Variants in TUT4 observed in about 807,000 individuals in gnomAD.
The protein encoded by TUT4 is terminal uridylyl transferase 4.
A neutral mutation model predicts 192.2 loss-of-function variants in TUT4; 36 were observed. That is an observed-to-expected ratio of 0.19 (90% CI 0.14 to 0.25). The LOEUF (loss-of-function observed/expected upper bound fraction) is 0.25. TUT4 is among the 10% of genes least tolerant of loss of function. The pLI is 1.00. For synonymous variants in TUT4, 618 were observed against 666.0 expected (o/e 0.93, Z 1.11); for missense variants, 1,493 against 1,957.2 (o/e 0.76, Z 4.47).
chr1:52,436,645 A>G, intron 26 of TUT4, 110 bp downstream of exon 26: 1 of 1,514,498 alleles, frequency 6.6e-7, no homozygotes, highest in South Asian at 1.3e-5. Flanking sequence ...TGTAAGGTCC[A>G]AAATCATACA....
chr1:52,509,631 G>A lies in TUT4; in HGVS notation c.964C>T (p.His322Tyr), dbSNP rs1244648427. The stretch of plus-strand genomic sequence containing the variant: ...TTCTTATGTCGTTTCTCCTTTATAT[G>A]TTTATGAGCCCCCTGGATATTTTCA... ...HIENIQGAHK[H>Y]IKEKRHKKNI... The change falls in exon 4 of 30, where the codon CAT (histidine) becomes TAT (tyrosine). Residue 322 changes from histidine to tyrosine, a missense_variant. His to Tyr is a moderately conservative substitution (Grantham distance 83, BLOSUM62 2). Coordinates refer to ENST00000257177, the MANE Select transcript of TUT4 (RefSeq NM_001009881.3). 6.2e-7 allele frequency: 1 copy of A among 1,605,402 alleles called. No individual in the cohort carries two copies. The highest frequency in any genetic ancestry group is 8.5e-7 in the Non-Finnish European group (1 of 1,173,214).
chr1:52,427,552 C>T (rs1488912550), intron 28 of TUT4, among the ~76,000 whole-genome samples: 3 of 152,214 alleles, frequency 2.0e-5, no homozygotes, highest in South Asian at 2.1e-4. Flanking sequence ...GTGACTATCA[C>T]AGTGCATGTC....
intron 24 of TUT4, among the ~76,000 whole-genome samples, chr1:52,439,665 T>C (rs1303812736): frequency 1.3e-5 from 2 of 152,168 alleles, no homozygotes; most frequent in African/African-American, 4.8e-5. Flanking sequence ...CTAGAACACA[T>C]ATGTATTGCT....
intron 28 of TUT4, among the ~76,000 whole-genome samples, chr1:52,426,807 G>A (rs967332030): frequency 3.9e-5 from 6 of 152,042 alleles, no homozygotes; most frequent in Admixed American, 1.3e-4. Flanking sequence ...CCCTTTGCCT[G>A]TTTTTCATAA....
rs546084491 is a variant in TUT4, at chr1:52,544,313, CA to C, written c.-94+8617del. Among the ~76,000 whole-genome samples the C allele has an allele frequency of 2.0e-5, 3 of 150,896 alleles. No individual in the cohort carries two copies. In the South Asian group the frequency reaches 6.3e-4, roughly 31 times the overall value. ...AAAAAAAAAAAAAAGCTACAGTAAT[CA>C]AAATAGTATGGTATTAGTATAAATA... On this transcript the variant is annotated intron_variant, in intron 1 of 29. Coordinates refer to ENST00000257177, the MANE Select transcript of TUT4 (RefSeq NM_001009881.3).
chr1:52,532,674 T>C (rs951589501), intron 1 of TUT4, among the ~76,000 whole-genome samples: 1 of 152,122 alleles, frequency 6.6e-6, no homozygotes. Flanking sequence ...AATATTCCCC[T>C]TAAAAACATA....
At chr1:52,479,014 C>T (rs1020663141) in intron 11 of TUT4, among the ~76,000 whole-genome samples, 3 of 151,632 alleles carry the variant, frequency 2.0e-5, no homozygotes, top group African/African-American at 7.3e-5. Flanking sequence ...GAGTTGAGTA[C>T]GCTAAAAAGG....
chr1:52,449,788 T>G (rs571552161), intron 20 of TUT4, among the ~76,000 whole-genome samples: 2 of 152,158 alleles, frequency 1.3e-5, no homozygotes, highest in Admixed American at 1.3e-4. Context: ...CATTTCTCCC[T>G]CCTTGAGATT....
intron 1 of TUT4, among the ~76,000 whole-genome samples, chr1:52,542,777 T>C (rs1687057483): frequency 6.6e-6 from 1 of 152,040 alleles, no homozygotes; most frequent in African/African-American, 2.4e-5. Flanking sequence ...TTATTTTTTT[T>C]TGAGGCAGAG....
chr1:52,522,243 C>A (rs151117329), intron 2 of TUT4, among the ~76,000 whole-genome samples: 1 of 152,160 alleles, frequency 6.6e-6, no homozygotes, highest in African/African-American at 2.4e-5. Flanking sequence ...ATTTGTTATA[C>A]CAAGTTTCCC....
At chr1:52,448,521 T>C (rs1252677096) in intron 20 of TUT4, among the ~76,000 whole-genome samples, 1 of 143,214 alleles carries the variant, frequency 7.0e-6, no homozygotes, top group Admixed American at 7.5e-5. Flanking sequence ...CTCAGGAGAT[T>C]GAGGTTGCAA....
rs1028438870 is a variant in TUT4, at chr1:52,537,315, CAAAG to C, written c.-93-10946_-93-10943del. On this transcript the variant is annotated intron_variant, in intron 1 of 29. Transcript: ENST00000257177. ...AACAGATACTCCATGCAAAGAGTAA[CAAAG>C]AGAGAGCTGGGGCTAAATTATTACC... Among the ~76,000 whole-genome samples, 5 of 151,936 alleles carry C rather than the reference CAAAG, an allele frequency of 3.3e-5. No individual in the cohort carries two copies. The South Asian group carries it at 8.3e-4, about 25-fold the overall frequency.
intron 18 of TUT4, 103 bp from the exon 19 acceptor site, chr1:52,461,326 G>T: frequency 8.3e-7 from 1 of 1,197,810 alleles, no homozygotes; most frequent in Non-Finnish European, 1.1e-6. Flanking sequence ...ATATATAAAT[G>T]TAAAATGTAA....
chr1:52,490,613 T>C (rs994685329), intron 8 of TUT4, 119 bp downstream of exon 8: 17 of 687,792 alleles, frequency 2.5e-5, no homozygotes, highest in Middle Eastern at 3.6e-4. Flanking sequence ...GAAACTAGCT[T>C]AGTCATATTC....
chr1:52,527,558 A>G (rs2149478691), intron 1 of TUT4, among the ~76,000 whole-genome samples: 1 of 152,278 alleles, frequency 6.6e-6, no homozygotes, highest in Admixed American at 6.5e-5. Flanking sequence ...TCTCAAAAAC[A>G]ACAACAACAA....
chr1:52,494,718 A>T (rs1221268042), intron 6 of TUT4, among the ~76,000 whole-genome samples: 1 of 152,194 alleles, frequency 6.6e-6, no homozygotes, highest in Non-Finnish European at 1.5e-5. Context: ...AATATTTAAT[A>T]ACCATACATT....
In TUT4 at chr1:52,458,372, C is replaced by T; in HGVS notation, c.3399G>A (p.Gln1133=). Residue 1133 remains glutamine, a synonymous_variant, in exon 20 of 30, where the codon CAG becomes CAA. Coordinates refer to ENST00000257177, the MANE Select transcript of TUT4 (RefSeq NM_001009881.3). Reference sequence around the variant, plus strand: ...CTGGGATAACAGGTGGCTTTCTCTGCTGCAGAAAGTACAGCACCATAAGGA... The same window carrying T: ...CTGGGATAACAGGTGGCTTTCTCTGTTGCAGAAAGTACAGCACCATAAGGA... ...AYILMVLYFL[Q]QRKPPVIPVL... is the part of the protein sequence containing the mutation. The T allele has an allele frequency of 6.2e-7, 1 of 1,613,900 alleles. No individual in the cohort carries two copies. The highest frequency in any genetic ancestry group is 8.5e-7 in the Non-Finnish European group (1 of 1,179,892).
In TUT4 at chr1:52,515,875, A is replaced by C; in HGVS notation, c.882+16T>G. 6.2e-7 allele frequency: 1 copy of C among 1,613,878 alleles called. No individual in the cohort carries two copies. Among genetic ancestry groups the C allele is most frequent in the Non-Finnish European group, 8.5e-7 (1 of 1,179,934 alleles). On this transcript the variant is annotated intron_variant, in intron 3 of 29. Transcript: ENST00000257177. ...ACACACATTTCCCCCCAAATAACTA[A>C]AACAACATAGTATACTTTTTCAAGT...
chr1:52,507,782 C>T (rs1676012980), intron 4 of TUT4, among the ~76,000 whole-genome samples: 1 of 152,074 alleles, frequency 6.6e-6, no homozygotes, highest in South Asian at 2.1e-4. Flanking sequence ...ATAAGGTATA[C>T]TCAATCTGTA....
Sources: gnomAD v4.1 joint callset for allele counts (sites outside exome capture counted in the v4.1 genomes callset) on GRCh38, gnomAD v4.1.1 for gene constraint, MANE v1.5 for transcripts, NCBI Gene and HGNC (gene_info 2026-07-23, HGNC 2026-07-21) for gene names.